Variants in BRME1 observed in about 807,000 individuals in gnomAD.
BRME1 encodes BRCA2 and MEILB2-associating protein 1.
In BRME1, 31 loss-of-function variants were observed where a neutral mutation model predicts 52.6. That is an observed-to-expected ratio of 0.59 (90% CI 0.44 to 0.80). BRME1 has a LOEUF of 0.80. Among genes scored for constraint, BRME1 ranks in the 30% least tolerant of loss-of-function variants. The pLI is 0.00. For synonymous variants in BRME1, 359 were observed against 353.6 expected, an observed-to-expected ratio of 1.02 and a Z score of -0.17; for missense variants, 804 against 860.3, an observed-to-expected ratio of 0.93 and a Z score of 0.82.
Position 13,882,796 on chromosome 19 carries a change from A to G in BRME1, c.*6T>C, listed in dbSNP as rs1399599198. On this transcript the variant is annotated 3_prime_UTR_variant, in exon 9 of 9. Coordinates refer to ENST00000586783, the MANE Select transcript of BRME1 (RefSeq NM_001345843.2). ...GTGGCAAAGGAAACACAGACCTCAAAGTGGCCTACAACTCCCTCCAGGGTG... is the reference window on the plus strand; with the variant it reads ...GTGGCAAAGGAAACACAGACCTCAAGGTGGCCTACAACTCCCTCCAGGGTG... 6.2e-7 allele frequency: 1 copy of G among 1,613,494 alleles called. No individual in the cohort carries two copies. Among genetic ancestry groups the G allele is most frequent in the African/African-American group, 1.3e-5 (1 of 74,884 alleles).
chr19:13,892,716 G>A (rs1006905625), intron 5 of BRME1, 70 bp downstream of exon 5: 1 of 1,288,916 alleles, frequency 7.8e-7, no homozygotes, highest in African/African-American at 1.5e-5. Context: ...AGGGTTAAAT[G>A]GGGCTGCCGA....
Position 13,889,754 on chromosome 19 carries a change from G to C in BRME1, c.1102C>G (p.Pro368Ala). ...GPDGQASAIS[P>A]ASPRRKAADG... Reference sequence around the variant, plus strand: ...GCGGCCTTCCTCCTGGGAGAGGCAGGTGATATGGCACTGGCCTGCCCATCG... The same window carrying C: ...GCGGCCTTCCTCCTGGGAGAGGCAGCTGATATGGCACTGGCCTGCCCATCG... Residue 368 changes from proline (P) to alanine (A), a missense_variant, in exon 6 of 9, where the codon CCT becomes GCT. By Grantham distance (27) the Pro-to-Ala change is conservative (BLOSUM62 -1). Coordinates refer to ENST00000586783, the MANE Select transcript of BRME1 (RefSeq NM_001345843.2). 2 of 1,610,318 alleles carry C rather than the reference G, an allele frequency of 1.2e-6. No individual in the cohort carries two copies. The highest frequency in any genetic ancestry group is 1.1e-5 in the South Asian group (1 of 90,940).
chr19:13,898,229 C>T (rs1404245056), intron 2 of BRME1, among the ~76,000 whole-genome samples: 12 of 152,292 alleles, frequency 7.9e-5, no homozygotes, highest in Admixed American at 6.5e-5. Context: ...GCTGGCACCC[C>T]GTCCAACTCC....
At position 13,891,135 on chromosome 19, in the gene BRME1, T is replaced by TTTTTTATTA. The variant is rs59151567; in HGVS notation, c.394-674_394-673insTAATAAAAA. Among the ~76,000 whole-genome samples the TTTTTTATTA allele has an allele frequency of 2.8e-3, 407 of 146,658 alleles. 4 individuals are homozygous for TTTTTTATTA. The highest frequency in any genetic ancestry group is 0.011 in the South Asian group (53 of 4,630). On this transcript the variant is annotated intron_variant, in intron 5 of 8. Coordinates refer to ENST00000586783, the MANE Select transcript of BRME1 (RefSeq NM_001345843.2). ...AGACCACACCAATGTCAATTTCCTG[T>TTTTTTATTA]TTATTATTATTATTATTATTATTAT...
chr19:13,905,524 A>G (rs559604378), intron 1 of BRME1, among the ~76,000 whole-genome samples, 191 bp downstream of exon 1: 227 of 151,534 alleles, frequency 1.5e-3, no homozygotes, highest in African/African-American at 5.4e-3. Flanking sequence ...AAAAAAAAAA[A>G]TTAGTCAGGT....
rs982419480 is a variant in BRME1, at chr19:13,888,611, G to C, written c.1668+577C>G. ...CAGAGGAGGCCACATCCGGGCAGCC[G>C]GTGGGGCGGGCAGATCCCTGAAGGA... On this transcript the variant is annotated intron_variant, in intron 6 of 8. Coordinates refer to ENST00000586783, the MANE Select transcript of BRME1 (RefSeq NM_001345843.2). The surrounding 1 kb of genome is among the most constrained non-coding windows in gnomAD (Gnocchi z 4.1). Among the ~76,000 whole-genome samples the C allele has an allele frequency of 1.3e-5, 2 of 152,260 alleles. No individual in the cohort carries two copies. Among genetic ancestry groups the C allele is most frequent in the African/African-American group, 4.8e-5 (2 of 41,472 alleles).
chr19:13,901,795 T>C (rs1172401462), intron 2 of BRME1, among the ~76,000 whole-genome samples: 1 of 151,822 alleles, frequency 6.6e-6, no homozygotes, highest in Non-Finnish European at 1.5e-5. Context: ...TCTGAGCACA[T>C]TGGGAGGCCA....
intron 1 of BRME1, 45 bp from the exon 2 acceptor site, chr19:13,904,958 T>A: frequency 6.7e-7 from 1 of 1,482,968 alleles, no homozygotes; most frequent in Non-Finnish European, 9.4e-7. Flanking sequence ...AGTCTCTGTC[T>A]CTGTTTATAT....
Position 13,890,282 on chromosome 19 carries a change from C to T in BRME1, c.574G>A (p.Asp192Asn), listed in dbSNP as rs912893251. The change falls in exon 6 of 9, where the codon GAT (aspartate) becomes AAT (asparagine). Residue 192 changes from aspartate (D) to asparagine (N), a missense_variant. Coordinates refer to ENST00000586783, the MANE Select transcript of BRME1 (RefSeq NM_001345843.2). ...CCCGTCCCCCTGTCTGGAGGGTCAT[C>T]AGGCTGAGAATCCCCACTGCCGGGC... ...AVPGSGDSQP[D>N]DPPDRGTGLS... 2 of 1,612,694 alleles carry T rather than the reference C, an allele frequency of 1.2e-6. No individual in the cohort carries two copies. Among genetic ancestry groups the T allele is most frequent in the East Asian group, 2.2e-5 (1 of 44,890 alleles).
At chr19:13,901,746 G>C (rs533797292) in intron 2 of BRME1, among the ~76,000 whole-genome samples, 1 of 150,260 alleles carries the variant, frequency 6.7e-6, no homozygotes, top group East Asian at 2.0e-4. Context: ...TATATATACA[G>C]AAAAAGTCTG....
At chr19:13,893,048 T>C (rs568067696) in intron 4 of BRME1, 94 bp downstream of exon 4, 1 of 1,381,340 alleles carries the variant, frequency 7.2e-7, no homozygotes, top group African/African-American at 1.4e-5. Context: ...AGACCATGAG[T>C]GAGCAATTGG....
Position 13,904,932 on chromosome 19 carries a change from T to G in BRME1, c.-21-19A>C. 1 of 1,592,366 alleles carries G rather than the reference T, an allele frequency of 6.3e-7. No individual in the cohort carries two copies. Among genetic ancestry groups the G allele is most frequent in the East Asian group, 2.2e-5 (1 of 44,770 alleles). ...GAGAAATCTGAAAACAAGCAAAATC[T>G]CTCATCATTATAAGCAGTCTCTGTC... is the stretch of plus-strand genomic sequence containing the variant. On this transcript the variant is annotated intron_variant, in intron 1 of 8. Transcript: ENST00000586783.
rs1354583496 is a variant in BRME1 at position 13,889,429 on chromosome 19, G to A, written c.1427C>T (p.Ser476Phe). Residue 476 changes from serine to phenylalanine, a missense_variant, in exon 6 of 9, where the codon TCC becomes TTC. Ser to Phe is a radical substitution (Grantham distance 155). This residue lies in a region of BRME1 where 552 missense variants were observed against 561.1 expected (regional missense o/e 0.98). Transcript: ENST00000586783. ...LERDLEGFRV[S>F]PQASVVLEHR... ...TTCCAGCACAACAGAGGCTTGCGGG[G>A]ACACACGGAACCCCTCGAGGTCTCG... The A allele has an allele frequency of 4.3e-6, 7 of 1,613,862 alleles. No individual in the cohort carries two copies. The highest frequency in any genetic ancestry group is 5.9e-6 in the Non-Finnish European group (7 of 1,180,030).
In BRME1 at chr19:13,900,883, G is replaced by T. The variant is rs370554075; in HGVS notation, c.31+3979C>A. ...GATGGGGTTTCACCATGTTGACCAG[G>T]TTGGTCTCGAACCCTGACCTCAAAT... On this transcript the variant is annotated intron_variant, in intron 2 of 8. Transcript: ENST00000586783. Among the ~76,000 whole-genome samples the T allele has an allele frequency of 3.3e-5, 5 of 152,028 alleles. No individual in the cohort carries two copies. In the East Asian group the frequency reaches 9.7e-4, roughly 29 times the overall value.
rs1599326695 is a variant in BRME1, at chr19:13,889,611, A to G, written c.1245T>C (p.Pro415=). The part of the protein sequence containing the change: ...GKPPGDVLVG[P]TASLALAPGS... ...CAGGTGCCAGAGCCAGGGAGGCTGTAGGGCCCACTAGGACATCGCCGGGGG... is the reference window on the plus strand; with the variant it reads ...CAGGTGCCAGAGCCAGGGAGGCTGTGGGGCCCACTAGGACATCGCCGGGGG... Residue 415 remains proline (P), a synonymous_variant, in exon 6 of 9, where the codon CCT becomes CCC. Transcript: ENST00000586783. 1.2e-6 allele frequency: 2 copies of G among 1,609,798 alleles called. No individual in the cohort carries two copies. The highest frequency in any genetic ancestry group is 2.2e-5 in the South Asian group (2 of 90,846).
rs546062972 is a variant in BRME1, at chr19:13,893,364, C to T, written c.207-141G>A. 2.5e-5 allele frequency: 17 copies of T among 674,228 alleles called. No individual in the cohort carries two copies. The Admixed American group carries it at 3.0e-4, about 12-fold the overall frequency. 41.8% of individuals were successfully genotyped at this position (674,228 alleles called of 1,614,324 possible). A position where few individuals can be genotyped will look rare whatever the true frequency, so the allele number is the denominator to read the frequency against. Reference sequence around the variant, plus strand: ...ACCAACCTGGGGAACATGGTGAAACCGTATCTCTACTAAAAATACAAAAAT... The same window carrying T: ...ACCAACCTGGGGAACATGGTGAAACTGTATCTCTACTAAAAATACAAAAAT... On this transcript the variant is annotated intron_variant, in intron 3 of 8. Coordinates refer to ENST00000586783, the MANE Select transcript of BRME1 (RefSeq NM_001345843.2).
chr19:13,891,135 T>TTTTTTTTTATTATTATTATTATTATTA (rs59151567), intron 5 of BRME1, among the ~76,000 whole-genome samples: 1 of 146,634 alleles, frequency 6.8e-6, no homozygotes, highest in African/African-American at 2.6e-5. Flanking sequence ...CAATTTCCTG[T>TTTTTTTTTATTATTATTATTATTATTA]TTATTATTAT....
Position 13,882,431 on chromosome 19 carries a change from C to A in BRME1, c.*371G>T. On this transcript the variant is annotated 3_prime_UTR_variant, in exon 9 of 9. Transcript: ENST00000586783. ...ATGGGGAGAAAGAAAACAAAGGGAG[C>A]TCTCTTCTCCTCCAGGAAAGAAACA... 2.4e-6 allele frequency: 1 copy of A among 410,446 alleles called. No individual in the cohort carries two copies. Among genetic ancestry groups the A allele is most frequent in the Non-Finnish European group, 4.3e-6 (1 of 233,204 alleles). The allele number at this position is 410,446 out of a possible 1,614,324, so 25.4% of individuals were successfully genotyped here. A position where few individuals can be genotyped will look rare whatever the true frequency, so the allele number is the denominator to read the frequency against.
chr19:13,894,486 C>T (rs1017971645), intron 3 of BRME1, among the ~76,000 whole-genome samples: 2 of 152,150 alleles, frequency 1.3e-5, no homozygotes, highest in Admixed American at 6.5e-5. Flanking sequence ...GATTGTGCCA[C>T]TGCACTCCAG....
Sources: allele counts gnomAD v4.1 joint callset (sites outside exome capture counted in the v4.1 genomes callset), GRCh38; gene constraint gnomAD v4.1.1; regional missense constraint gnomAD v4.1.1; non-coding constraint Gnocchi (gnomAD v3.1); transcripts MANE v1.5; gene names NCBI Gene and HGNC (gene_info 2026-07-23, HGNC 2026-07-21).